The following SPATA17 variants were observed in gnomAD, a reference collection of about 807,000 sequenced individuals.
SPATA17 encodes the protein spermatogenesis-associated protein 17.
SPATA17 carries 53 observed loss-of-function variants against 62.2 expected under a neutral mutation model. That is an observed-to-expected ratio of 0.85 (90% confidence interval 0.68 to 1.07). SPATA17 has a LOEUF of 1.07. Ranked by LOEUF, SPATA17 falls within the 50% of genes least tolerant of loss-of-function variation. The pLI, the probability that SPATA17 is intolerant of heterozygous loss-of-function variation, is 0.00. For missense variants in SPATA17, 466 were observed against 425.5 expected, an observed-to-expected ratio of 1.10 and a Z score of -0.84; for synonymous variants, 146 against 146.8, an observed-to-expected ratio of 0.99 and a Z score of 0.04.
intron 4 of SPATA17, among the ~76,000 whole-genome samples, chr1:217,678,205 CTT>C (rs974715757): frequency 5.6e-5 from 6 of 107,542 alleles, no homozygotes; most frequent in Admixed American, 9.6e-5. Context: ...CTTTTCTTTT[CTT>C]TTTTTTTTTT....
intron 3 of SPATA17, among the ~76,000 whole-genome samples, chr1:217,659,680 G>A (rs1054436139): frequency 2.6e-5 from 4 of 151,928 alleles, no homozygotes; most frequent in African/African-American, 9.7e-5. Flanking sequence ...TTCTCTGGAT[G>A]TCCCTCGGGT....
At chr1:217,806,334 C>T (rs891043600) in intron 9 of SPATA17, among the ~76,000 whole-genome samples, 13 of 152,176 alleles carry the variant, frequency 8.5e-5, no homozygotes, top group African/African-American at 2.9e-4. Flanking sequence ...CCTAGAGGAA[C>T]TGAACAGGGT....
At chr1:217,782,552 T>C (rs1309631186) in intron 8 of SPATA17, among the ~76,000 whole-genome samples, 2 of 152,092 alleles carry the variant, frequency 1.3e-5, no homozygotes, top group African/African-American at 2.4e-5. Context: ...GATCGGCATT[T>C]TGAGGATAAA....
At chr1:217,706,855 CCTTTCTTT>C (rs1166155047) in intron 5 of SPATA17, among the ~76,000 whole-genome samples, 1 of 149,158 alleles carries the variant, frequency 6.7e-6, no homozygotes, top group African/African-American at 2.5e-5. Context: ...TTTCTTTCTT[CCTTTCTTT>C]CTTTCTTTCT....
chr1:217,682,734 A>C (rs1671116426), intron 4 of SPATA17, among the ~76,000 whole-genome samples: 1 of 152,178 alleles, frequency 6.6e-6, no homozygotes, highest in Admixed American at 6.5e-5. Context: ...CTGGCACATA[A>C]GAACTCAATA....
intron 6 of SPATA17, among the ~76,000 whole-genome samples, chr1:217,749,901 G>A (rs1468129975): frequency 1.4e-5 from 2 of 143,194 alleles, no homozygotes; most frequent in Non-Finnish European, 3.0e-5. Flanking sequence ...TGAGCATACT[G>A]ATACAGTCTG....
intron 6 of SPATA17, among the ~76,000 whole-genome samples, chr1:217,745,460 A>G (rs1672725788): frequency 6.6e-6 from 1 of 152,098 alleles, no homozygotes. Context: ...TCTCTTCCTT[A>G]TATCCCAACA....
chr1:217,775,740 T>G (rs1468307040), intron 7 of SPATA17, among the ~76,000 whole-genome samples: 1 of 152,094 alleles, frequency 6.6e-6, no homozygotes, highest in Non-Finnish European at 1.5e-5. Context: ...TCTATATATA[T>G]ATAGATTATT....
intron 4 of SPATA17, among the ~76,000 whole-genome samples, chr1:217,674,599 C>G (rs1204109206): frequency 2.0e-5 from 3 of 152,212 alleles, no homozygotes; most frequent in Non-Finnish European, 4.4e-5. Context: ...GTGTGTTGCC[C>G]AAGGGGAACA....
At chr1:217,708,811 G>C (rs766020522) in intron 5 of SPATA17, among the ~76,000 whole-genome samples, 16 of 151,956 alleles carry the variant, frequency 1.1e-4, no homozygotes, top group Non-Finnish European at 2.2e-4. Flanking sequence ...ATATCCAGCA[G>C]CACATTAAAA....
intron 6 of SPATA17, among the ~76,000 whole-genome samples, chr1:217,765,482 C>A (rs879740037): frequency 3.3e-5 from 5 of 151,564 alleles, no homozygotes; most frequent in Non-Finnish European, 2.9e-5. Flanking sequence ...TAATTTATTT[C>A]AAAAAATCTA....
At chr1:217,709,632 T>G (rs1224464698) in intron 5 of SPATA17, among the ~76,000 whole-genome samples, 1 of 152,128 alleles carries the variant, frequency 6.6e-6, no homozygotes, top group Non-Finnish European at 1.5e-5. Context: ...AGCAAGAAAT[T>G]GGCCCCTCCC....
intron 9 of SPATA17, among the ~76,000 whole-genome samples, chr1:217,831,930 A>G (rs1317688396): frequency 6.6e-6 from 1 of 152,202 alleles, no homozygotes; most frequent in Non-Finnish European, 1.5e-5. Flanking sequence ...ACTGAATCCT[A>G]TAAACCATTT....
At chr1:217,667,912 T>G (rs1465572089) in intron 3 of SPATA17, among the ~76,000 whole-genome samples, 1 of 152,230 alleles carries the variant, frequency 6.6e-6, no homozygotes, top group Non-Finnish European at 1.5e-5. Flanking sequence ...AGCCAACTGT[T>G]TCTTAATTGC....
At chr1:217,720,125 A>G (rs1302468274) in intron 5 of SPATA17, among the ~76,000 whole-genome samples, 1 of 152,254 alleles carries the variant, frequency 6.6e-6, no homozygotes. Context: ...TCATGCGTTG[A>G]CATATCCCTC....
Position 217,870,702 on chromosome 1 carries a change from G to A in SPATA17, c.*3683G>A, listed in dbSNP as rs1297415204. 6.6e-6 allele frequency: 1 copy of A among 152,134 alleles called. No individual in the cohort carries two copies. Among genetic ancestry groups the A allele is most frequent in the East Asian group, 1.9e-4 (1 of 5,186 alleles). The allele number at this position is 152,134 out of a possible 1,614,324, so 9.4% of individuals were successfully genotyped here. ...AAACACTAAGAGTACCACTGTGGAT[G>A]TTTAAAAACATACACCCTAAGAGCC... On this transcript the variant is annotated 3_prime_UTR_variant, in exon 11 of 11. Transcript: ENST00000366933.
chr1:217,666,315 A>G (rs532591004), intron 3 of SPATA17, among the ~76,000 whole-genome samples: 1 of 152,156 alleles, frequency 6.6e-6, no homozygotes, highest in Non-Finnish European at 1.5e-5. Flanking sequence ...CAAAACTTTT[A>G]AGTCAGAATT....
At chr1:217,765,460 A>G (rs1245984731) in intron 6 of SPATA17, among the ~76,000 whole-genome samples, 3 of 151,852 alleles carry the variant, frequency 2.0e-5, no homozygotes. Flanking sequence ...TTGATAAGCT[A>G]TATTTTAATT....
At chr1:217,805,143 A>G (rs1674401748) in intron 9 of SPATA17, among the ~76,000 whole-genome samples, 1 of 152,224 alleles carries the variant, frequency 6.6e-6, no homozygotes, top group South Asian at 2.1e-4. Flanking sequence ...TATTCACTGA[A>G]TGACAAATGG....
Sources: gnomAD v4.1 joint callset for allele counts (sites outside exome capture counted in the v4.1 genomes callset) on GRCh38, gnomAD v4.1.1 for gene constraint, MANE v1.5 for transcripts, NCBI Gene and HGNC (gene_info 2026-07-23, HGNC 2026-07-21) for gene names.